Variants in SLC25A21 observed in about 807,000 individuals in gnomAD.
SLC25A21 encodes the protein mitochondrial 2-oxodicarboxylate carrier.
Under a neutral mutation model 43.8 loss-of-function variants are expected in SLC25A21, and 47 were observed. The ratio of observed to expected loss-of-function variants is 1.07; its 90% confidence interval spans 0.85 to 1.37. The LOEUF (loss-of-function observed/expected upper bound fraction) is 1.37, where lower values mean the gene tolerates loss of function less well. Ranked by LOEUF, SLC25A21 falls within the 40% of genes most tolerant of loss-of-function variation. The pLI, the probability that SLC25A21 is intolerant of heterozygous loss-of-function variation, is 0.00. For missense variants in SLC25A21, 352 were observed against 350.2 expected, an observed-to-expected ratio of 1.00 and a Z score of -0.04; for synonymous variants, 131 against 121.3, an observed-to-expected ratio of 1.08 and a Z score of -0.52.
At chr14:37,063,483 GA>G (rs1222194688) in intron 1 of SLC25A21, among the ~76,000 whole-genome samples, 2 of 152,060 alleles carry the variant, frequency 1.3e-5, no homozygotes, top group Admixed American at 6.6e-5. Context: ...CTGGGTGACA[GA>G]AGGGAGACTA....
intron 6 of SLC25A21, among the ~76,000 whole-genome samples, chr14:36,721,670 G>C (rs762387635): frequency 1.1e-4 from 17 of 152,098 alleles, no homozygotes; most frequent in Non-Finnish European, 1.8e-4. Flanking sequence ...AAAAAATATG[G>C]GTTCTGCTCC....
chr14:36,722,664 CTTT>C (rs1310312016), intron 6 of SLC25A21, among the ~76,000 whole-genome samples: 1 of 151,960 alleles, frequency 6.6e-6, no homozygotes. Context: ...TCACCTGTTT[CTTT>C]TTATTTTTTA....
chr14:36,890,166 C>T (rs951617295), intron 1 of SLC25A21, among the ~76,000 whole-genome samples: 1 of 152,034 alleles, frequency 6.6e-6, no homozygotes. Context: ...TAGTCTTCTG[C>T]AGGAGGGAGG....
At chr14:37,085,094 G>C (rs1364193321) in intron 1 of SLC25A21, among the ~76,000 whole-genome samples, 1 of 152,094 alleles carries the variant, frequency 6.6e-6, no homozygotes, top group African/African-American at 2.4e-5. Context: ...CTGAAGTGGA[G>C]AGGGGTGTTA....
At chr14:37,048,490 A>C (rs1251086307) in intron 1 of SLC25A21, among the ~76,000 whole-genome samples, 1 of 151,496 alleles carries the variant, frequency 6.6e-6, no homozygotes, top group Non-Finnish European at 1.5e-5. Context: ...AAAAAAAAAA[A>C]TGTACCTCTA....
At chr14:36,746,669 G>C (rs1014414109) in intron 3 of SLC25A21, among the ~76,000 whole-genome samples, 2 of 152,058 alleles carry the variant, frequency 1.3e-5, no homozygotes, top group Non-Finnish European at 2.9e-5. Flanking sequence ...GCTCCATTCT[G>C]ATCACTCTCA....
At chr14:37,161,856 G>C (rs556356393) in intron 1 of SLC25A21, among the ~76,000 whole-genome samples, 1 of 151,508 alleles carries the variant, frequency 6.6e-6, no homozygotes, top group East Asian at 2.0e-4. Context: ...CCAGCTACTC[G>C]GCAGGCTGAG....
At chr14:36,934,223 G>C (rs1892362298) in intron 1 of SLC25A21, among the ~76,000 whole-genome samples, 1 of 152,050 alleles carries the variant, frequency 6.6e-6, no homozygotes, top group Non-Finnish European at 1.5e-5. Flanking sequence ...AAGAACAGCT[G>C]TCTGAATCTC....
At chr14:36,690,424 C>G (rs937635547) in intron 7 of SLC25A21, among the ~76,000 whole-genome samples, 83 of 152,228 alleles carry the variant, frequency 5.5e-4, no homozygotes, top group African/African-American at 1.9e-3. Flanking sequence ...GTCAGTTGTC[C>G]AAGATCACAC....
chr14:36,799,233 G>A (rs1485914592), intron 3 of SLC25A21, among the ~76,000 whole-genome samples: 1 of 152,162 alleles, frequency 6.6e-6, no homozygotes, highest in African/African-American at 2.4e-5. Flanking sequence ...TGATGGGGTA[G>A]AGGAAGGAGT....
chr14:37,009,756 T>C (rs1005942468), intron 1 of SLC25A21, among the ~76,000 whole-genome samples: 4 of 152,150 alleles, frequency 2.6e-5, no homozygotes, highest in Non-Finnish European at 5.9e-5. Flanking sequence ...AGGAGTAACA[T>C]CTTGACATCA....
chr14:36,816,423 C>G (rs983867251), intron 2 of SLC25A21, among the ~76,000 whole-genome samples: 6 of 150,984 alleles, frequency 4.0e-5, no homozygotes, highest in African/African-American at 1.2e-4. Context: ...AGGAATACAA[C>G]GAAAGGGGCA....
chr14:37,030,668 T>C (rs936450348), intron 1 of SLC25A21, among the ~76,000 whole-genome samples: 1 of 152,216 alleles, frequency 6.6e-6, no homozygotes, highest in African/African-American at 2.4e-5. Context: ...GATTAATTTT[T>C]TGGTGTAAAA....
chr14:36,945,355 C>T (rs1007932654), intron 1 of SLC25A21, among the ~76,000 whole-genome samples: 3 of 152,160 alleles, frequency 2.0e-5, no homozygotes, highest in African/African-American at 7.2e-5. Flanking sequence ...AGAAAATCCA[C>T]TTCTGGGCAT....
intron 3 of SLC25A21, among the ~76,000 whole-genome samples, chr14:36,787,061 G>A (rs540928186): frequency 6.6e-6 from 1 of 152,348 alleles, no homozygotes; most frequent in African/African-American, 2.4e-5. Context: ...GTGTCAGGCA[G>A]GGACTGGGGT....
At chr14:37,102,699 A>G (rs1962839105) in intron 1 of SLC25A21, among the ~76,000 whole-genome samples, 1 of 151,996 alleles carries the variant, frequency 6.6e-6, no homozygotes. Flanking sequence ...TAGTTAGTCA[A>G]ATTTGGCTGG....
chr14:36,950,408 G>C (rs2138660611), intron 1 of SLC25A21, among the ~76,000 whole-genome samples: 1 of 152,190 alleles, frequency 6.6e-6, no homozygotes, highest in African/African-American at 2.4e-5. Flanking sequence ...TATAAGAAGA[G>C]GAAGAAATAC....
intron 1 of SLC25A21, among the ~76,000 whole-genome samples, chr14:37,126,771 C>A (rs1963305156): frequency 6.6e-6 from 1 of 152,174 alleles, no homozygotes; most frequent in Non-Finnish European, 1.5e-5. Flanking sequence ...TCAGGGCATT[C>A]TTTAATCACT....
intron 1 of SLC25A21, among the ~76,000 whole-genome samples, chr14:37,149,636 G>C (rs1257039636): frequency 6.6e-6 from 1 of 152,148 alleles, no homozygotes. Flanking sequence ...AGAGGTTGCA[G>C]TGAGCTGAGA....
Sources: allele counts gnomAD v4.1 joint callset (sites outside exome capture counted in the v4.1 genomes callset), GRCh38; gene constraint gnomAD v4.1.1; transcripts MANE v1.5; gene names NCBI Gene and HGNC (gene_info 2026-07-23, HGNC 2026-07-21).